MED24: variants seen among roughly 807,000 people sequenced by gnomAD.
The protein encoded by MED24 is mediator complex subunit 24.
In MED24, 74 loss-of-function variants were observed where a neutral mutation model predicts 118.8. That is an observed-to-expected ratio of 0.62 (90% CI 0.52 to 0.76). The LOEUF (loss-of-function observed/expected upper bound fraction) is 0.76, where lower values mean the gene tolerates loss of function less well. Ranked by LOEUF, MED24 falls within the 30% of genes least tolerant of loss-of-function variation. The pLI is 0.00. For synonymous variants in MED24, 521 were observed against 523.9 expected, an observed-to-expected ratio of 0.99 and a Z score of 0.08; for missense variants, 1,041 against 1,278.9, an observed-to-expected ratio of 0.81 and a Z score of 2.84.
At chr17:40,027,780 T>C (rs1982869357) in intron 15 of MED24, 129 bp downstream of exon 15, 1 of 1,029,576 alleles carries the variant, frequency 9.7e-7, no homozygotes, top group East Asian at 2.4e-5. Flanking sequence ...AAGCTTCCAT[T>C]GGTCATGGCT....
rs911109107 is a variant in MED24 at position 40,033,843 on chromosome 17, G to C, written c.560-387C>G. The C allele has an allele frequency of 2.2e-6, 1 of 444,542 alleles. No individual in the cohort carries two copies. Among genetic ancestry groups the C allele is most frequent in the African/African-American group, 2.0e-5 (1 of 49,944 alleles). The allele number at this position is 444,542 out of a possible 1,614,324, so 27.5% of individuals were successfully genotyped here. ...CCCAAAGTCCAGTCTTGCAGAGGCT[G>C]TCACTCTCCTCTGGGGGAACTGGGT... On this transcript the variant is annotated intron_variant, in intron 6 of 25. Transcript: ENST00000394128. The surrounding 1 kb of genome is among the most constrained non-coding windows in gnomAD (Gnocchi z 5.2).
intron 6 of MED24, 56 bp downstream of exon 6, chr17:40,035,061 A>C (rs1983779564): frequency 6.2e-7 from 1 of 1,609,888 alleles, no homozygotes; most frequent in Non-Finnish European, 8.5e-7. Context: ...TTCTCAATTA[A>C]AGGACCGGCT....
chr17:40,026,367 T>C (rs2144879286), intron 18 of MED24, 36 bp from the exon 19 acceptor site: 4 of 1,600,644 alleles, frequency 2.5e-6, no homozygotes, highest in South Asian at 2.2e-5. Context: ...CTACCATCTA[T>C]CTCCCTTTCT....
chr17:40,040,074 T>C (rs74725931), intron 3 of MED24, among the ~76,000 whole-genome samples: 3,756 of 149,810 alleles, frequency 0.025, 67 homozygotes, highest in Non-Finnish European at 0.039. Context: ...TGAGCCACCA[T>C]GCCAGGCTAA....
intron 3 of MED24, among the ~76,000 whole-genome samples, chr17:40,037,801 C>T (rs1219797397): frequency 6.6e-6 from 1 of 151,610 alleles, no homozygotes; most frequent in African/African-American, 2.4e-5. Flanking sequence ...GTCCCAGCTA[C>T]TAGGGAGGCT....
intron 3 of MED24, among the ~76,000 whole-genome samples, chr17:40,043,892 A>AAAAAAAAAAAAAAAAAAAAAAAAC: frequency 6.7e-6 from 1 of 148,416 alleles, no homozygotes; most frequent in South Asian, 2.1e-4. Context: ...CTCCATCTCA[A>AAAAAAAAAAAAAAAAAAAAAAAAC]AAAAAAAAAA....
In MED24 at chr17:40,035,119, GCCT is replaced by G. The variant is rs749348268; in HGVS notation, c.554_556del (p.Glu185del). 2.5e-6 allele frequency: 4 copies of G among 1,614,168 alleles called. No homozygotes were observed. The highest frequency in any genetic ancestry group is 2.2e-5 in the South Asian group (2 of 91,084). On this transcript the variant is annotated inframe_deletion, in exon 6 of 26. Coordinates refer to ENST00000394128, the MANE Select transcript of MED24 (RefSeq NM_014815.4). ...CTCAGGGGAATCAAGGGACATACAGGCCTCCTCTAGTTTGGCGATGTGCAGCAG... is the reference window on the plus strand; with the variant it reads ...CTCAGGGGAATCAAGGGACATACAGGCCTCTAGTTTGGCGATGTGCAGCAG...
rs180822878 is a variant in MED24 at position 40,040,143 on chromosome 17, A to G, written c.214-3989T>C. Among the ~76,000 whole-genome samples, 1,366 of 150,180 alleles carry G rather than the reference A, an allele frequency of 9.1e-3. 17 individuals are homozygous for G. Among genetic ancestry groups the G allele is most frequent in the African/African-American group, 0.032 (1,307 of 40,638 alleles). On this transcript the variant is annotated intron_variant, in intron 3 of 25. Coordinates refer to ENST00000394128, the MANE Select transcript of MED24 (RefSeq NM_014815.4). ...GCCCAGGCTGGAGTGCAGTGGCACA[A>G]TCTCGGCTCACTGCAACCTCTGCCT...
chr17:40,019,887 A>G lies in MED24; in HGVS notation c.2751T>C (p.Ala917=). 6.3e-7 allele frequency: 1 copy of G among 1,579,230 alleles called. No individual in the cohort carries two copies. The highest frequency in any genetic ancestry group is 8.6e-7 in the Non-Finnish European group (1 of 1,161,702). Residue 917 remains alanine (A), a synonymous_variant, in exon 25 of 26, where the codon GCT becomes GCC. Transcript: ENST00000394128. ...LISSILGSRT[A]GPHTQFVQWF... ...ACTGCACGAACTGGGTGTGGGGGCCAGCGGTGCGAGACCCCAGGATGGAGG... is the reference window on the plus strand; with the variant it reads ...ACTGCACGAACTGGGTGTGGGGGCCGGCGGTGCGAGACCCCAGGATGGAGG...
chr17:40,035,877 C>T, intron 4 of MED24, 82 bp from the exon 5 acceptor site: 1 of 1,359,184 alleles, frequency 7.4e-7, no homozygotes, highest in Non-Finnish European at 1.0e-6. Context: ...GCATTCAGGA[C>T]TCCTGCTCCT....
At position 40,019,388 on chromosome 17, in the gene MED24, G is replaced by A. The variant is rs1036495885; in HGVS notation, c.*141C>T. On this transcript the variant is annotated 3_prime_UTR_variant, in exon 26 of 26. Transcript: ENST00000394128. ...ATCCTGGAGGTCAGGAGTCAGGAGC[G>A]GGGAACTGGAAGCCGCTAGAGGCTC... 21 of 689,986 alleles carry A rather than the reference G, an allele frequency of 3.0e-5. No homozygotes were observed. Among genetic ancestry groups the A allele is most frequent in the African/African-American group, 2.7e-4 (15 of 55,092 alleles). 42.7% of individuals were successfully genotyped at this position (689,986 alleles called of 1,614,324 possible).
chr17:40,045,840 C>G (rs1010160992), intron 3 of MED24, among the ~76,000 whole-genome samples: 3 of 152,146 alleles, frequency 2.0e-5, no homozygotes, highest in African/African-American at 4.8e-5. Context: ...TACAGTGGTT[C>G]GATCTTGGCT....
At chr17:40,036,230 A>C (rs1168628097) in intron 3 of MED24, 76 bp from the exon 4 acceptor site, 1 of 1,449,776 alleles carries the variant, frequency 6.9e-7, no homozygotes, top group African/African-American at 1.4e-5. Flanking sequence ...TGATGCTTCA[A>C]GTTGCTGCAG....
chr17:40,042,660 C>G (rs1184584771), intron 3 of MED24, among the ~76,000 whole-genome samples: 1 of 152,116 alleles, frequency 6.6e-6, no homozygotes, highest in Non-Finnish European at 1.5e-5. Context: ...GCCTGGAAGA[C>G]AGAGTGATAC....
At position 40,026,507 on chromosome 17, in the gene MED24, GACA is replaced by G. The variant is rs1057383972; in HGVS notation, c.1809+137_1809+139del. ...TACCTGGGCCAGAGGGAGTAGCTAAGACAACGATTACACAAAATATCAATATCA... is the reference window on the plus strand; with the variant it reads ...TACCTGGGCCAGAGGGAGTAGCTAAGACGATTACACAAAATATCAATATCA... On this transcript the variant is annotated intron_variant, in intron 18 of 25. Coordinates refer to ENST00000394128, the MANE Select transcript of MED24 (RefSeq NM_014815.4). The G allele has an allele frequency of 3.5e-6, 4 of 1,141,454 alleles. No individual in the cohort carries two copies. In the African/African-American group the frequency reaches 4.6e-5, roughly 13 times the overall value. The allele number at this position is 1,141,454 out of a possible 1,614,324, so 70.7% of individuals were successfully genotyped here.
chr17:40,023,809 T>C (rs1982330180), intron 19 of MED24, among the ~76,000 whole-genome samples: 1 of 152,198 alleles, frequency 6.6e-6, no homozygotes, highest in Non-Finnish European at 1.5e-5. Flanking sequence ...AAGTAAACTG[T>C]TCCTTCCAGG....
chr17:40,036,306 G>C, intron 3 of MED24, 152 bp from the exon 4 acceptor site: 2 of 708,552 alleles, frequency 2.8e-6, no homozygotes, highest in Non-Finnish European at 2.5e-6. Flanking sequence ...CAGTGTCACT[G>C]TGCACTGCCC....
chr17:40,027,545 G>C, intron 15 of MED24, 80 bp from the exon 16 acceptor site: 1 of 1,405,156 alleles, frequency 7.1e-7, no homozygotes, highest in Non-Finnish European at 9.8e-7. Context: ...ATCGGGATTT[G>C]CCTCTAGGAA....
chr17:40,022,207 C>A (rs1361303899), intron 22 of MED24, among the ~76,000 whole-genome samples, 153 bp from the exon 23 acceptor site: 1 of 152,220 alleles, frequency 6.6e-6, no homozygotes, highest in Admixed American at 6.5e-5. Context: ...TCTGACAGGC[C>A]CCTTGTGCCC....
Sources: gnomAD v4.1 joint callset for allele counts (sites outside exome capture counted in the v4.1 genomes callset) on GRCh38, gnomAD v4.1.1 for gene constraint, Gnocchi (gnomAD v3.1) non-coding constraint, MANE v1.5 for transcripts, NCBI Gene and HGNC (gene_info 2026-07-23, HGNC 2026-07-21) for gene names.